KIAA0825: variants seen among roughly 807,000 people sequenced by gnomAD.
The protein encoded by KIAA0825 is uncharacterized protein KIAA0825.
A neutral mutation model predicts 147.6 loss-of-function variants in KIAA0825; 119 were observed. The observed-to-expected ratio is 0.81, with a 90% CI of 0.69 to 0.94. KIAA0825 has a LOEUF of 0.94. Among genes scored for constraint, KIAA0825 ranks in the 40% least tolerant of loss-of-function variants. KIAA0825 has a pLI of 0.00. For synonymous variants in KIAA0825, 470 were observed against 518.1 expected, an observed-to-expected ratio of 0.91 and a Z score of 1.26; for missense variants, 1,381 against 1,472.7, an observed-to-expected ratio of 0.94 and a Z score of 1.02.
At chr5:94,538,939 G>C (rs1488992997) in intron 2 of KIAA0825, among the ~76,000 whole-genome samples, 6 of 152,192 alleles carry the variant, frequency 3.9e-5, no homozygotes, top group African/African-American at 1.4e-4. Context: ...GTGTGAACCA[G>C]AGCAACTCCG....
chr5:94,283,471 A>AAAT (rs1777546150), intron 20 of KIAA0825, among the ~76,000 whole-genome samples: 1 of 152,134 alleles, frequency 6.6e-6, no homozygotes, highest in Admixed American at 6.6e-5. Context: ...ATAATTACGG[A>AAAT]AATCATGCCT....
intron 15 of KIAA0825, among the ~76,000 whole-genome samples, chr5:94,409,210 A>T (rs1182001426): frequency 6.6e-6 from 1 of 152,214 alleles, no homozygotes; most frequent in African/African-American, 2.4e-5. Context: ...AGTTATTTTT[A>T]AAAATGATTA....
chr5:94,538,918 T>C (rs1772689796), intron 2 of KIAA0825, among the ~76,000 whole-genome samples: 1 of 152,146 alleles, frequency 6.6e-6, no homozygotes, highest in Non-Finnish European at 1.5e-5. Context: ...TACAGTGGAA[T>C]TGCCAGAGGT....
chr5:94,335,207 G>A (rs942936079), intron 20 of KIAA0825, among the ~76,000 whole-genome samples: 6 of 152,030 alleles, frequency 3.9e-5, no homozygotes, highest in African/African-American at 7.2e-5. Context: ...TCACTTTACT[G>A]TCCCCCAAAG....
intron 1 of KIAA0825, among the ~76,000 whole-genome samples, chr5:94,614,056 C>T (rs1314777642): frequency 6.6e-6 from 1 of 151,962 alleles, no homozygotes; most frequent in Non-Finnish European, 1.5e-5. Flanking sequence ...TATTACTTAA[C>T]AGAAAGAAGT....
intron 14 of KIAA0825, among the ~76,000 whole-genome samples, chr5:94,417,797 A>G (rs1342911899): frequency 6.6e-6 from 1 of 152,156 alleles, no homozygotes; most frequent in African/African-American, 2.4e-5. Context: ...GAAAATTCAC[A>G]TTTTTAGTTT....
chr5:94,302,465 A>G (rs569106805), intron 20 of KIAA0825, among the ~76,000 whole-genome samples: 1 of 152,246 alleles, frequency 6.6e-6, no homozygotes, highest in African/African-American at 2.4e-5. Context: ...ATGACAGTAC[A>G]TCAATTCAAG....
chr5:94,418,273 G>T (rs185885803), intron 14 of KIAA0825, among the ~76,000 whole-genome samples: 169 of 152,054 alleles, frequency 1.1e-3, no homozygotes, highest in Middle Eastern at 0.01. Context: ...TTTTTCCTGT[G>T]ATTTGATTTT....
At chr5:94,543,756 C>G (rs1357721187) in intron 2 of KIAA0825, among the ~76,000 whole-genome samples, 1 of 152,194 alleles carries the variant, frequency 6.6e-6, no homozygotes, top group African/African-American at 2.4e-5. Flanking sequence ...AGGGATAAAA[C>G]AGCTTACAGT....
chr5:94,202,584 G>T (rs775753842), intron 20 of KIAA0825, among the ~76,000 whole-genome samples: 2 of 152,198 alleles, frequency 1.3e-5, no homozygotes, highest in Non-Finnish European at 2.9e-5. Flanking sequence ...CACCAAAGCA[G>T]ATGCTGGGGA....
chr5:94,375,768 G>A (rs1234616262), intron 20 of KIAA0825, among the ~76,000 whole-genome samples: 1 of 152,172 alleles, frequency 6.6e-6, no homozygotes, highest in African/African-American at 2.4e-5. Flanking sequence ...AACGGGGGGA[G>A]ACAACCAAAG....
intron 20 of KIAA0825, among the ~76,000 whole-genome samples, chr5:94,299,575 G>C (rs1011578601): frequency 1.8e-4 from 27 of 151,944 alleles, no homozygotes; most frequent in African/African-American, 6.0e-4. Flanking sequence ...TTAACATATA[G>C]CATTACTCAA....
chr5:94,429,142 C>T (rs1412030678), intron 14 of KIAA0825, among the ~76,000 whole-genome samples: 1 of 152,140 alleles, frequency 6.6e-6, no homozygotes, highest in Non-Finnish European at 1.5e-5. Flanking sequence ...TCTTGGATCT[C>T]ATTGAGTGTC....
intron 20 of KIAA0825, among the ~76,000 whole-genome samples, chr5:94,219,822 G>A (rs1229388289): frequency 3.9e-5 from 6 of 152,150 alleles, no homozygotes; most frequent in African/African-American, 1.4e-4. Flanking sequence ...AGGACTAGAA[G>A]TTGCACTGGT....
At chr5:94,278,758 G>T (rs951154450) in intron 20 of KIAA0825, among the ~76,000 whole-genome samples, 1 of 152,034 alleles carries the variant, frequency 6.6e-6, no homozygotes, top group African/African-American at 2.4e-5. Context: ...AAGTTGAAAT[G>T]TACCTTTTTC....
intron 20 of KIAA0825, among the ~76,000 whole-genome samples, chr5:94,365,471 T>C (rs1745714266): frequency 6.6e-6 from 1 of 152,212 alleles, no homozygotes; most frequent in Non-Finnish European, 1.5e-5. Context: ...GATTTCTATG[T>C]AAATCAAAAT....
chr5:94,209,745 A>G (rs1471349152), intron 20 of KIAA0825, among the ~76,000 whole-genome samples: 1 of 152,088 alleles, frequency 6.6e-6, no homozygotes, highest in Non-Finnish European at 1.5e-5. Flanking sequence ...CCACATTTTC[A>G]TCCTTTTGGT....
At chr5:94,297,610 T>G (rs149780275) in intron 20 of KIAA0825, among the ~76,000 whole-genome samples, 2 of 151,582 alleles carry the variant, frequency 1.3e-5, no homozygotes, top group East Asian at 4.0e-4. Context: ...TTGTTATTAT[T>G]TTTGAGATAG....
At chr5:94,395,890 G>T (rs1007614477) in intron 17 of KIAA0825, among the ~76,000 whole-genome samples, 1 of 152,252 alleles carries the variant, frequency 6.6e-6, no homozygotes, top group South Asian at 2.1e-4. Context: ...ATGTTCCAGT[G>T]TGTCAATGGG....
Sources: gnomAD v4.1 joint callset for allele counts (sites outside exome capture counted in the v4.1 genomes callset) on GRCh38, gnomAD v4.1.1 for gene constraint, MANE v1.5 for transcripts, NCBI Gene and HGNC (gene_info 2026-07-23, HGNC 2026-07-21) for gene names.